The following SMG1 variants were observed in gnomAD, a reference collection of about 807,000 sequenced individuals.
SMG1 encodes the protein serine/threonine-protein kinase SMG1.
A neutral mutation model predicts 419.9 loss-of-function variants in SMG1; 22 were observed. The ratio of observed to expected loss-of-function variants is 0.05; its 90% confidence interval spans 0.04 to 0.07. SMG1 has a LOEUF of 0.07. Among genes scored for constraint, SMG1 ranks in the 10% least tolerant of loss-of-function variants. The pLI is 1.00. For synonymous variants in SMG1, 1,538 were observed against 1,553.5 expected, an observed-to-expected ratio of 0.99 and a Z score of 0.23; for missense variants, 3,185 against 4,342.0, an observed-to-expected ratio of 0.73 and a Z score of 7.49.
At chr16:18,835,494 G>A (rs1374758609) in intron 48 of SMG1, among the ~76,000 whole-genome samples, 1 of 152,120 alleles carries the variant, frequency 6.6e-6, no homozygotes, top group East Asian at 1.9e-4. Context: ...TATAAAAATT[G>A]TTCAGGCGTG....
chr16:18,897,857 G>A (rs1270450110), intron 1 of SMG1, among the ~76,000 whole-genome samples: 1 of 149,924 alleles, frequency 6.7e-6, no homozygotes, highest in East Asian at 2.0e-4. Context: ...ATCCAAGTAA[G>A]TTCTTCCCCT....
chr16:18,915,790 C>T (rs927330043), intron 1 of SMG1, among the ~76,000 whole-genome samples: 1 of 151,990 alleles, frequency 6.6e-6, no homozygotes, highest in African/African-American at 2.4e-5. Context: ...CTATACAGGC[C>T]AGGCGTGGTG....
intron 1 of SMG1, among the ~76,000 whole-genome samples, chr16:18,898,607 TATA>T (rs2037228092): frequency 6.6e-6 from 1 of 152,166 alleles, no homozygotes; most frequent in Non-Finnish European, 1.5e-5. Context: ...TAAGAGAGCT[TATA>T]ATCTTTTCTG....
At chr16:18,835,549 G>C (rs1260423897) in intron 48 of SMG1, among the ~76,000 whole-genome samples, 1 of 152,166 alleles carries the variant, frequency 6.6e-6, no homozygotes, top group Non-Finnish European at 1.5e-5. Flanking sequence ...GCTGAAGTGG[G>C]AGGATCACCT....
chr16:18,841,926 T>C, intron 40 of SMG1, 132 bp from the exon 41 acceptor site: 1 of 806,990 alleles, frequency 1.2e-6, no homozygotes, highest in Non-Finnish European at 2.0e-6. Context: ...CATTAAAGAA[T>C]TCTATTTTGG....
rs11365913 is a variant in SMG1, at chr16:18,856,329, ATTTT to A, written c.4235-1429_4235-1426del. 6.9e-3 allele frequency: 582 copies of A among 84,674 alleles called. 5 individuals are homozygous for A. Among genetic ancestry groups the A allele is most frequent in the African/African-American group, 0.026 (516 of 19,992 alleles). The allele number at this position is 84,674 out of a possible 1,614,324, so 5.2% of individuals were successfully genotyped here. ...AGGCACATGCCACCACACCCAGGTG[ATTTT>A]TTTTTTTTTTTTTTTTTTTTTGAAA... On this transcript the variant is annotated intron_variant, in intron 29 of 62. Transcript: ENST00000446231.
At position 18,806,465 on chromosome 16, in the gene SMG1, G is replaced by C. The variant is rs2030846482; in HGVS notation, c.*3104C>G. 1 of 152,422 alleles carries C rather than the reference G, an allele frequency of 6.6e-6. No individual in the cohort carries two copies. The highest frequency in any genetic ancestry group is 6.6e-5 in the Admixed American group (1 of 15,266). The allele number at this position is 152,422 out of a possible 1,614,324, so 9.4% of individuals were successfully genotyped here. On this transcript the variant is annotated 3_prime_UTR_variant, in exon 63 of 63. Coordinates refer to ENST00000446231, the MANE Select transcript of SMG1 (RefSeq NM_015092.5). ...CTCACCACAAGTGTCAGACACAAAAGAATCTTAATAATCATCTAGCAAACT... is the reference window on the plus strand; with the variant it reads ...CTCACCACAAGTGTCAGACACAAAACAATCTTAATAATCATCTAGCAAACT...
In SMG1 at chr16:18,828,108, G is replaced by A; in HGVS notation, c.9664C>T (p.Arg3222Trp). ...TTCATGCTGGTTAGGATAGCAGACCGTGGGGGAGGTGTGACTGACATGGCT... is the reference window on the plus strand; with the variant it reads ...TTCATGCTGGTTAGGATAGCAGACCATGGGGGAGGTGTGACTGACATGGCT... ...PQAMSVTPPP[R>W]SAILTSMKKK... is the part of the protein sequence containing the mutation. The change falls in exon 55 of 63, where the codon CGG (arginine) becomes TGG (tryptophan). Residue 3222 changes from arginine to tryptophan, a missense_variant. Coordinates refer to ENST00000446231, the MANE Select transcript of SMG1 (RefSeq NM_015092.5). The A allele has an allele frequency of 6.2e-7, 1 of 1,613,632 alleles. No individual in the cohort carries two copies. The highest frequency in any genetic ancestry group is 8.5e-7 in the Non-Finnish European group (1 of 1,179,674).
intron 60 of SMG1, among the ~76,000 whole-genome samples, chr16:18,814,108 A>G (rs1326587659): frequency 4.0e-5 from 6 of 150,614 alleles, no homozygotes; most frequent in Non-Finnish European, 7.4e-5. Context: ...AAAAATAAAA[A>G]TAAATTGGCC....
Position 18,806,895 on chromosome 16 carries a change from T to C in SMG1, c.*2674A>G, listed in dbSNP as rs2030886730. 1 of 152,214 alleles carries C rather than the reference T, an allele frequency of 6.6e-6. No individual in the cohort carries two copies. The highest frequency in any genetic ancestry group is 1.5e-5 in the Non-Finnish European group (1 of 68,044). 9.4% of individuals were successfully genotyped at this position (152,214 alleles called of 1,614,324 possible). ...CTGAGGTCTCTTACGAAAGTTCAAA[T>C]GGCAAGTCACCTTGTAGAATGACTT... On this transcript the variant is annotated 3_prime_UTR_variant, in exon 63 of 63. Coordinates refer to ENST00000446231, the MANE Select transcript of SMG1 (RefSeq NM_015092.5).
chr16:18,839,430 G>A (rs755095938), intron 42 of SMG1, among the ~76,000 whole-genome samples: 15 of 152,054 alleles, frequency 9.9e-5, no homozygotes, highest in Non-Finnish European at 4.4e-5. Context: ...ACTTATAAGT[G>A]AGAACATGCG....
At chr16:18,917,638 C>G (rs1389477296) in intron 1 of SMG1, among the ~76,000 whole-genome samples, 1 of 151,508 alleles carries the variant, frequency 6.6e-6, no homozygotes, top group South Asian at 2.1e-4. Flanking sequence ...AGTGCAACGG[C>G]GCAATTTCAG....
rs2032108607 is a variant in SMG1, at chr16:18,817,370, C to T, written c.9995G>A (p.Arg3332Gln). ...TGCAAACGAACACATCTGCTGACAT[C>T]GCTTGATTAGTTCAAATAACGCCGC... ...LDAALFELIKRCQQMCSFASQ... is the reference protein window; with the variant it reads ...LDAALFELIKQCQQMCSFASQ... The change falls in exon 57 of 63, where the codon CGA becomes CAA. Residue 3332 changes from arginine (R) to glutamine (Q), a missense_variant. Around this residue, in one of 27 missense-constraint regions of SMG1, gnomAD observed 737 missense variants for 846.6 expected, o/e 0.87. Coordinates refer to ENST00000446231, the MANE Select transcript of SMG1 (RefSeq NM_015092.5). The T allele has an allele frequency of 3.1e-6, 5 of 1,611,284 alleles. No homozygotes were observed. Among genetic ancestry groups the T allele is most frequent in the African/African-American group, 1.3e-5 (1 of 74,860 alleles).
At chr16:18,841,397 CAA>C (rs149043036) in intron 41 of SMG1, among the ~76,000 whole-genome samples, 166 bp downstream of exon 41, 52,677 of 104,550 alleles carry the variant, frequency 0.5, 10,785 homozygotes, top group Non-Finnish European at 0.56. Context: ...GACTGTGTCT[CAA>C]AAAAAAAAAA....
At chr16:18,896,255 T>C (rs374944379) in intron 2 of SMG1, 48 bp from the exon 3 acceptor site, 4 of 1,263,080 alleles carry the variant, frequency 3.2e-6, no homozygotes, top group Admixed American at 3.4e-5. Context: ...GTTCGTTTCA[T>C]TCAGTCAATT....
Position 18,829,396 on chromosome 16 carries a change from A to G in SMG1, c.9493T>C (p.Ser3165Pro). The G allele has an allele frequency of 6.2e-7, 1 of 1,613,996 alleles. No homozygotes were observed. Among genetic ancestry groups the G allele is most frequent in the Non-Finnish European group, 8.5e-7 (1 of 1,179,884 alleles). Residue 3165 changes from serine (S) to proline (P), a missense_variant, in exon 54 of 63, where the codon TCT becomes CCT. Physicochemically the swap from Ser to Pro is moderately conservative, Grantham distance 74. Transcript: ENST00000446231. ...TGCTTCTTCCAGGCAGTGTCGTAAG[A>G]ACTTGCTAACACAGTTGCCCTGTTC... ...VMNRATVLAS[S>P]YDTAWKKHDL...
At chr16:18,897,604 T>C (rs2037183595) in intron 1 of SMG1, among the ~76,000 whole-genome samples, 2 of 152,140 alleles carry the variant, frequency 1.3e-5, no homozygotes, top group Admixed American at 6.6e-5. Context: ...AAAGTTGTAG[T>C]TCATAATCTA....
At chr16:18,871,759 T>G (rs2035835346) in intron 15 of SMG1, among the ~76,000 whole-genome samples, 1 of 152,022 alleles carries the variant, frequency 6.6e-6, no homozygotes, top group Non-Finnish European at 1.5e-5. Context: ...AACAACATGG[T>G]GAAACACCAT....
chr16:18,819,518 C>T lies in SMG1; in HGVS notation c.9878G>A (p.Ser3293Asn). The T allele has an allele frequency of 1.9e-6, 3 of 1,610,446 alleles. No individual in the cohort carries two copies. Among genetic ancestry groups the T allele is most frequent in the Non-Finnish European group, 2.5e-6 (3 of 1,178,184 alleles). Residue 3293 changes from serine to asparagine, a missense_variant, in exon 56 of 63, where the codon AGC becomes AAC. Transcript: ENST00000446231. The part of the protein sequence containing the change: ...AERRNLVLKE[S>N]QRASQVTFLC... ...TCACAATACCTGACTTGCTCTTTGG[C>T]TCTCTTTAAGGACAAGATTTCTTCT...
Sources: gnomAD v4.1 joint callset for allele counts (sites outside exome capture counted in the v4.1 genomes callset) on GRCh38, gnomAD v4.1.1 for gene constraint, gnomAD v4.1.1 regional missense constraint, MANE v1.5 for transcripts, NCBI Gene and HGNC (gene_info 2026-07-23, HGNC 2026-07-21) for gene names.